ADAMTSL1: variants seen among roughly 807,000 people sequenced by gnomAD.
The protein encoded by ADAMTSL1 is ADAMTS-like protein 1.
A neutral mutation model predicts 201.8 loss-of-function variants in ADAMTSL1; 126 were observed. That is an observed-to-expected ratio of 0.62 (90% confidence interval 0.54 to 0.72). The LOEUF is 0.72. Among genes scored for constraint, ADAMTSL1 ranks in the 30% least tolerant of loss-of-function variants. ADAMTSL1 has a pLI of 0.00. For synonymous variants in ADAMTSL1, 1,121 were observed against 903.4 expected, an observed-to-expected ratio of 1.24 and a Z score of -4.32; for missense variants, 2,679 against 2,277.8, an observed-to-expected ratio of 1.18 and a Z score of -3.59.
chr9:18,338,289 G>T (rs1347882953), intron 2 of ADAMTSL1, among the ~76,000 whole-genome samples: 1 of 152,112 alleles, frequency 6.6e-6, no homozygotes, highest in Admixed American at 6.6e-5. Flanking sequence ...ACCACCAACA[G>T]ATGAATTTCC....
intron 23 of ADAMTSL1, among the ~76,000 whole-genome samples, chr9:18,865,875 C>G (rs762860886): frequency 7.9e-5 from 12 of 152,140 alleles, no homozygotes; most frequent in Non-Finnish European, 1.5e-4. Flanking sequence ...AGCACTGTCA[C>G]TGCCTGCTGA....
intron 2 of ADAMTSL1, among the ~76,000 whole-genome samples, chr9:18,375,859 C>G (rs1475808660): frequency 6.6e-6 from 1 of 152,126 alleles, no homozygotes; most frequent in African/African-American, 2.4e-5. Context: ...ATTTTACAGA[C>G]TGCTGATTGG....
chr9:18,475,000 A>T (rs2131770241), intron 1 of ADAMTSL1, among the ~76,000 whole-genome samples: 1 of 152,342 alleles, frequency 6.6e-6, no homozygotes, highest in East Asian at 1.9e-4. Flanking sequence ...GACTCGAAGT[A>T]AATGTTCCGT....
chr9:18,325,299 A>C (rs150499253), intron 2 of ADAMTSL1, among the ~76,000 whole-genome samples: 1 of 152,352 alleles, frequency 6.6e-6, no homozygotes, highest in African/African-American at 2.4e-5. Flanking sequence ...AAGTGTTCAT[A>C]CCAGTTTTGT....
intron 5 of ADAMTSL1, among the ~76,000 whole-genome samples, chr9:18,627,982 A>T (rs1401463710): frequency 6.6e-6 from 1 of 152,184 alleles, no homozygotes; most frequent in East Asian, 1.9e-4. Flanking sequence ...AGTTCTTTAT[A>T]TATACTAGGT....
In ADAMTSL1 at chr9:18,731,669, G is replaced by A. The variant is rs1354000645; in HGVS notation, c.2006+10004G>A. Among the ~76,000 whole-genome samples, 3 of 152,152 alleles carry A rather than the reference G, an allele frequency of 2.0e-5. 1 individual carries two copies. Among genetic ancestry groups the A allele is most frequent in the Admixed American group, 2.0e-4 (3 of 15,272 alleles). Reference sequence around the variant, plus strand: ...TAATTAGCTCACAGTTCTGCAGGCTGTACAGGAAGCATAGCAGCATCTGCT... The same window carrying A: ...TAATTAGCTCACAGTTCTGCAGGCTATACAGGAAGCATAGCAGCATCTGCT... On this transcript the variant is annotated intron_variant, in intron 15 of 28. Transcript: ENST00000380548.
Position 18,280,342 on chromosome 9 carries a change from C to T in ADAMTSL1, c.207+116361C>T, listed in dbSNP as rs570507082. Among the ~76,000 whole-genome samples the T allele has an allele frequency of 1.8e-3, 278 of 150,926 alleles. 1 individual carries two copies. The highest frequency in any genetic ancestry group is 1.7e-3 in the Non-Finnish European group (114 of 67,738). On this transcript the variant is annotated intron_variant, in intron 2 of 29. Transcript: ENST00000680146. ...CCTAGGGCCTAAGGGGGTGGCTTGG[C>T]ACTGGGGTAGGCCTGGAACCTGGAG...
chr9:17,972,565 G>C (rs551372146), intron 1 of ADAMTSL1, among the ~76,000 whole-genome samples: 1 of 151,988 alleles, frequency 6.6e-6, no homozygotes, highest in South Asian at 2.1e-4. Flanking sequence ...GTCTACTGTT[G>C]TTGGACATTT....
intron 1 of ADAMTSL1, among the ~76,000 whole-genome samples, chr9:17,909,103 G>A (rs1001642144): frequency 6.8e-6 from 1 of 147,400 alleles, no homozygotes; most frequent in African/African-American, 2.5e-5. Flanking sequence ...GTGTTTTTTG[G>A]CTGCATAAAT....
chr9:18,649,217 G>A (rs924100711), intron 7 of ADAMTSL1, among the ~76,000 whole-genome samples: 17 of 152,148 alleles, frequency 1.1e-4, no homozygotes, highest in African/African-American at 2.9e-4. Flanking sequence ...CGTAGTTCTC[G>A]CGCCTTGGCT....
At chr9:18,547,633 T>TAAAAAAAAAAAAA (rs56789652) in intron 3 of ADAMTSL1, among the ~76,000 whole-genome samples, 8 of 86,260 alleles carry the variant, frequency 9.3e-5, no homozygotes, top group African/African-American at 2.6e-4. Flanking sequence ...TATATATATA[T>TAAAAAAAAAAAAA]AAAAAAAAAA....
chr9:17,930,750 G>A (rs1826750247), intron 1 of ADAMTSL1, among the ~76,000 whole-genome samples: 1 of 152,146 alleles, frequency 6.6e-6, no homozygotes, highest in Admixed American at 6.5e-5. Context: ...AACATTGTAA[G>A]GTAAGATATG....
intron 15 of ADAMTSL1, among the ~76,000 whole-genome samples, chr9:18,738,601 G>A (rs773908931): frequency 2.6e-5 from 4 of 152,142 alleles, no homozygotes; most frequent in Non-Finnish European, 5.9e-5. Flanking sequence ...GAATCTAATT[G>A]CTGAGTTGCC....
At chr9:18,511,681 A>G (rs980854911) in intron 2 of ADAMTSL1, among the ~76,000 whole-genome samples, 1 of 152,200 alleles carries the variant, frequency 6.6e-6, no homozygotes, top group Admixed American at 6.5e-5. Context: ...GGTAAGAGAA[A>G]GTAAGCTAAC....
chr9:18,274,309 A>G (rs1473760141), intron 2 of ADAMTSL1, among the ~76,000 whole-genome samples: 1 of 152,212 alleles, frequency 6.6e-6, no homozygotes, highest in African/African-American at 2.4e-5. Flanking sequence ...ACATATGGTA[A>G]TAATGTAGCG....
chr9:18,362,213 A>T (rs916743040), intron 2 of ADAMTSL1: 1 of 152,210 alleles, frequency 6.6e-6, no homozygotes, highest in Non-Finnish European at 1.5e-5. Context: ...TTTTGTTCTC[A>T]CCTAACACTG....
intron 1 of ADAMTSL1, among the ~76,000 whole-genome samples, chr9:18,009,474 T>C (rs1372000530): frequency 6.6e-6 from 1 of 152,070 alleles, no homozygotes; most frequent in African/African-American, 2.4e-5. Flanking sequence ...GCATAGTGCC[T>C]GGTGCAGGGC....
intron 7 of ADAMTSL1, among the ~76,000 whole-genome samples, chr9:18,652,327 T>C (rs1828337000): frequency 6.8e-6 from 1 of 147,368 alleles, no homozygotes; most frequent in Non-Finnish European, 1.5e-5. Flanking sequence ...ATTGCACCAT[T>C]GTACTCCAGC....
At chr9:18,539,986 C>G (rs946567720) in intron 3 of ADAMTSL1, among the ~76,000 whole-genome samples, 3 of 152,136 alleles carry the variant, frequency 2.0e-5, no homozygotes, top group African/African-American at 7.2e-5. Context: ...TGATCCAACT[C>G]ACTGTAGTCA....
Sources: gnomAD v4.1 joint callset for allele counts (sites outside exome capture counted in the v4.1 genomes callset) on GRCh38, gnomAD v4.1.1 for gene constraint, MANE v1.5 for transcripts, NCBI Gene and HGNC (gene_info 2026-07-23, HGNC 2026-07-21) for gene names.